Variants in GPR183 observed in about 807,000 individuals in gnomAD.
GPR183 encodes EBV-induced G-protein coupled receptor 2.
GPR183 carries 9 observed loss-of-function variants against 19.7 expected under a neutral mutation model. That is an observed-to-expected ratio of 0.46 (90% CI 0.28 to 0.80). GPR183 has a LOEUF of 0.80. Ranked by LOEUF, GPR183 falls within the 30% of genes least tolerant of loss-of-function variation. GPR183 has a pLI of 0.13. For synonymous variants in GPR183, 160 were observed against 155.1 expected (o/e 1.03, Z -0.24); for missense variants, 368 against 446.7 (o/e 0.82, Z 1.59).
intron 1 of GPR183, among the ~76,000 whole-genome samples, chr13:99,304,305 T>G (rs1342154366): frequency 6.6e-6 from 1 of 152,212 alleles, no homozygotes; most frequent in Non-Finnish European, 1.5e-5. Context: ...GCTCTTACTT[T>G]CCTTCAAGCC....
rs145606686 is a variant in GPR183, at chr13:99,295,995, G to C, written c.151C>G (p.Leu51Val). The C allele has an allele frequency of 1.7e-4, 268 of 1,614,188 alleles. No homozygotes were observed. The African/African-American group carries it at 2.0e-3, about 12-fold the overall frequency. ...TTTTGAACAATGACGACCAAGGCTAGTAAGTTTCCCACGAGCCCAATGATG... is the reference window on the plus strand; with the variant it reads ...TTTTGAACAATGACGACCAAGGCTACTAAGTTTCCCACGAGCCCAATGATG... ...VFIIGLVGNL[L>V]ALVVIVQNRK... The change falls in exon 2 of 2, where the codon CTA becomes GTA. Residue 51 changes from leucine (L) to valine (V), a missense_variant. By Grantham distance (32) the Leu-to-Val change is conservative. Transcript: ENST00000376414. The surrounding 1 kb of genome is among the most constrained non-coding windows in gnomAD (Gnocchi z 4.1).
intron 1 of GPR183, among the ~76,000 whole-genome samples, chr13:99,298,626 A>G (rs2044212296): frequency 6.6e-6 from 1 of 152,322 alleles, no homozygotes; most frequent in East Asian, 1.9e-4. Context: ...AACAATAGAG[A>G]TAACTGCAGA....
At position 99,295,916 on chromosome 13, in the gene GPR183, T is replaced by A; in HGVS notation, c.230A>T (p.Asp77Val). ...AGGCAAAGCGGTGGTAAAAAGTATA[T>A]CAGAAATCACCAAATTTGTTGAATA... ...TLYSTNLVIS[D>V]ILFTTALPTR... is the part of the protein sequence containing the mutation. Residue 77 changes from aspartate to valine, a missense_variant, in exon 2 of 2, where the codon GAT (aspartate) becomes GTT (valine). Coordinates refer to ENST00000376414, the MANE Select transcript of GPR183 (RefSeq NM_004951.5). The surrounding 1 kb of genome is among the most constrained non-coding windows in gnomAD (Gnocchi z 4.1). 6.2e-7 allele frequency: 1 copy of A among 1,613,672 alleles called. No individual in the cohort carries two copies. The highest frequency in any genetic ancestry group is 8.5e-7 in the Non-Finnish European group (1 of 1,179,794).
intron 1 of GPR183, among the ~76,000 whole-genome samples, chr13:99,306,138 C>T (rs572960360): frequency 5.9e-5 from 9 of 152,200 alleles, no homozygotes; most frequent in East Asian, 5.8e-4. Context: ...TCAGGTGATC[C>T]GCCTGCCTCG....
At position 99,296,185 on chromosome 13, in the gene GPR183, T is replaced by C. The variant is rs377494891; in HGVS notation, c.-18-22A>G. ...GTGTCTAGAAAAAAACCAAGAAGGA[T>C]CATATAAGTAAAAGCATATGTATTC... On this transcript the variant is annotated intron_variant, in intron 1 of 1. Transcript: ENST00000376414. The C allele has an allele frequency of 1.4e-5, 21 of 1,524,186 alleles. No individual in the cohort carries two copies. The African/African-American group carries it at 2.8e-4, about 20-fold the overall frequency. 94.4% of individuals were successfully genotyped at this position (1,524,186 alleles called of 1,614,324 possible).
At chr13:99,305,905 T>C (rs562547692) in intron 1 of GPR183, among the ~76,000 whole-genome samples, 11 of 152,154 alleles carry the variant, frequency 7.2e-5, no homozygotes, top group Non-Finnish European at 1.2e-4. Flanking sequence ...ATTTATTTAT[T>C]TATCTATCGA....
intron 1 of GPR183, among the ~76,000 whole-genome samples, chr13:99,299,267 T>C (rs2044221437): frequency 6.6e-6 from 1 of 152,140 alleles, no homozygotes; most frequent in Non-Finnish European, 1.5e-5. Context: ...TATCCTTCAT[T>C]AGGGGATTAA....
chr13:99,295,531 A>G lies in GPR183; in HGVS notation c.615T>C (p.Tyr205=), dbSNP rs146709613. The G allele has an allele frequency of 1.7e-5, 28 of 1,613,986 alleles. No individual in the cohort carries two copies. In the African/African-American group the frequency reaches 3.6e-4, roughly 21 times the overall value. ...TGAGAATGATTATAAGTGGAAGTACATATCCTATGAAACATGCCCCAAGCA... is the reference window on the plus strand; with the variant it reads ...TGAGAATGATTATAAGTGGAAGTACGTATCCTATGAAACATGCCCCAAGCA... ...WILLGACFIG[Y]VLPLIIILIC... is the part of the protein sequence containing the mutation. Residue 205 remains tyrosine, a synonymous_variant, in exon 2 of 2, where the codon TAT becomes TAC. Transcript: ENST00000376414. This position sits in a 1 kb window ranked among gnomAD's most constrained non-coding sequence, Gnocchi z 4.1.
rs1269949721 is a variant in GPR183 at position 99,296,057 on chromosome 13, G to A, written c.89C>T (p.Ala30Val). 4.3e-6 allele frequency: 7 copies of A among 1,614,078 alleles called. No homozygotes were observed. The highest frequency in any genetic ancestry group is 1.1e-5 in the South Asian group (1 of 91,084). The change falls in exon 2 of 2, where the codon GCC becomes GTC. Residue 30 changes from alanine to valine, a missense_variant. Ala to Val is a moderately conservative substitution (Grantham distance 64). Coordinates refer to ENST00000376414, the MANE Select transcript of GPR183 (RefSeq NM_004951.5). ...GTAATGCAGAGGCATTACTATCCTG[G>A]CCGTGCTGTGATGTGCATAGAGGTC... is the stretch of plus-strand genomic sequence containing the variant. ...DCDLYAHHST[A>V]RIVMPLHYSL... is the part of the protein sequence containing the mutation.
chr13:99,296,327 A>G (rs1335624698), intron 1 of GPR183, among the ~76,000 whole-genome samples, 164 bp from the exon 2 acceptor site: 1 of 152,218 alleles, frequency 6.6e-6, no homozygotes, highest in African/African-American at 2.4e-5. Context: ...ACAGTTTATA[A>G]TTATAATATG....
At chr13:99,302,613 C>G (rs2044272052) in intron 1 of GPR183, among the ~76,000 whole-genome samples, 1 of 152,142 alleles carries the variant, frequency 6.6e-6, no homozygotes, top group Admixed American at 6.5e-5. Flanking sequence ...TTCTCATCAC[C>G]TTTTTCATTG....
At chr13:99,305,462 G>A (rs1206222123) in intron 1 of GPR183, among the ~76,000 whole-genome samples, 1 of 152,158 alleles carries the variant, frequency 6.6e-6, no homozygotes, top group East Asian at 1.9e-4. Flanking sequence ...GGCTTTATTA[G>A]GTGCGAAGCT....
chr13:99,305,986 C>T (rs1594109715), intron 1 of GPR183, among the ~76,000 whole-genome samples: 2 of 152,252 alleles, frequency 1.3e-5, no homozygotes, highest in Non-Finnish European at 2.9e-5. Flanking sequence ...ACCTCCGCCT[C>T]CCAGGTTCAA....
At chr13:99,306,869 C>T (rs2044344602) in intron 1 of GPR183, among the ~76,000 whole-genome samples, 1 of 152,008 alleles carries the variant, frequency 6.6e-6, no homozygotes, top group Admixed American at 6.5e-5. Context: ...ATATCTAAAG[C>T]TTTAGAAAAT....
In GPR183 at chr13:99,295,807, G is replaced by A; in HGVS notation, c.339C>T (p.Ile113=). The change falls in exon 2 of 2, where the codon ATC becomes ATT. Residue 113 remains isoleucine, a synonymous_variant. Transcript: ENST00000376414. The surrounding 1 kb of genome is among the most constrained non-coding windows in gnomAD (Gnocchi z 4.1). The part of the protein sequence containing the change: ...LCRITALVFY[I]NTYAGVNFMT... ...TAAAGTTCACACCTGCATATGTGTT[G>A]ATGTAAAACACTAGCGCAGTTATCC... 8 of 1,611,552 alleles carry A rather than the reference G, an allele frequency of 5.0e-6. No homozygotes were observed. Among genetic ancestry groups the A allele is most frequent in the East Asian group, 2.2e-5 (1 of 44,860 alleles).
At chr13:99,302,368 C>T (rs1472822710) in intron 1 of GPR183, among the ~76,000 whole-genome samples, 2 of 152,150 alleles carry the variant, frequency 1.3e-5, no homozygotes, top group Non-Finnish European at 2.9e-5. Flanking sequence ...TATGGTTCTA[C>T]TGAGGAAATA....
chr13:99,295,225 G>A lies in GPR183; in HGVS notation c.921C>T (p.Ile307=), dbSNP rs760004618. 9.3e-6 allele frequency: 15 copies of A among 1,613,966 alleles called. No individual in the cohort carries two copies. The Admixed American group carries it at 1.3e-4, about 14-fold the overall frequency. ...MNFNCCMDPF[I]YFFACKGYKR... The stretch of plus-strand genomic sequence containing the variant: ...TATACCCTTTACATGCAAAGAAGTA[G>A]ATAAAAGGGTCCATGCAGCAATTGA... Residue 307 remains isoleucine, a synonymous_variant, in exon 2 of 2, where the codon ATC becomes ATT. Transcript: ENST00000376414. The surrounding 1 kb of genome is among the most constrained non-coding windows in gnomAD (Gnocchi z 4.1).
intron 1 of GPR183, among the ~76,000 whole-genome samples, chr13:99,300,413 A>G (rs2044241338): frequency 6.6e-6 from 1 of 152,152 alleles, no homozygotes; most frequent in Admixed American, 6.5e-5. Context: ...TCTTGCTTAT[A>G]TTTATCCTGT....
chr13:99,305,530 A>G (rs1374023623), intron 1 of GPR183, among the ~76,000 whole-genome samples: 1 of 152,222 alleles, frequency 6.6e-6, no homozygotes, highest in Admixed American at 6.5e-5. Flanking sequence ...ATTTTATCCT[A>G]TAGAATGCTA....
Sources: allele counts gnomAD v4.1 joint callset (sites outside exome capture counted in the v4.1 genomes callset), GRCh38; gene constraint gnomAD v4.1.1; non-coding constraint Gnocchi (gnomAD v3.1); transcripts MANE v1.5; gene names NCBI Gene and HGNC (gene_info 2026-07-23, HGNC 2026-07-21).